The following MACROD2 variants were observed in gnomAD, a reference collection of about 807,000 sequenced individuals.
MACROD2 encodes the protein mono-ADP ribosylhydrolase 2, also known as ADP-ribose glycohydrolase MACROD2.
Under a neutral mutation model 70.4 loss-of-function variants are expected in MACROD2, and 36 were observed. That is an observed-to-expected ratio of 0.51 (90% CI 0.39 to 0.68). The LOEUF (loss-of-function observed/expected upper bound fraction) is 0.68, where lower values mean the gene tolerates loss of function less well. MACROD2 is among the 30% of genes least tolerant of loss of function. The pLI is 0.00. For synonymous variants in MACROD2, 172 were observed against 178.8 expected (o/e 0.96, Z 0.30); for missense variants, 496 against 538.4 (o/e 0.92, Z 0.78).
At chr20:15,627,983 C>T (rs2049231155) in intron 8 of MACROD2, among the ~76,000 whole-genome samples, 1 of 152,178 alleles carries the variant, frequency 6.6e-6, no homozygotes, top group South Asian at 2.1e-4. Flanking sequence ...TTTAGTACCT[C>T]TGTGAGACAT....
rs539654395 is a variant in MACROD2, at chr20:14,612,406, A to G, written c.302-72437A>G. On this transcript the variant is annotated intron_variant, in intron 4 of 17. Transcript: ENST00000684519. Reference sequence around the variant, plus strand: ...GATTGCCTTTGTCATTGCCTTTAGGACAACTGTAGACTTTGTGGATATTGG... The same window carrying G: ...GATTGCCTTTGTCATTGCCTTTAGGGCAACTGTAGACTTTGTGGATATTGG... Among the ~76,000 whole-genome samples, 255 of 152,206 alleles carry G rather than the reference A, an allele frequency of 1.7e-3. 1 individual carries two copies. The highest frequency in any genetic ancestry group is 5.7e-3 in the African/African-American group (238 of 41,548).
chr20:14,066,454 T>A (rs1209136588), intron 2 of MACROD2, among the ~76,000 whole-genome samples: 1 of 152,236 alleles, frequency 6.6e-6, no homozygotes, highest in Non-Finnish European at 1.5e-5. Context: ...TCTGTCCATT[T>A]TTGTGAAATG....
intron 13 of MACROD2, among the ~76,000 whole-genome samples, chr20:15,983,859 T>A (rs987420060): frequency 2.0e-5 from 3 of 152,234 alleles, no homozygotes; most frequent in Non-Finnish European, 2.9e-5. Context: ...CCAAAGTTTG[T>A]TTTAAGTCTT....
intron 2 of MACROD2, among the ~76,000 whole-genome samples, chr20:14,047,066 T>G (rs1434994153): frequency 6.6e-6 from 1 of 152,110 alleles, no homozygotes; most frequent in Non-Finnish European, 1.5e-5. Flanking sequence ...GATGAGTATA[T>G]AATGTGATAC....
chr20:15,926,777 C>G (rs2065496065), intron 10 of MACROD2, among the ~76,000 whole-genome samples: 1 of 152,210 alleles, frequency 6.6e-6, no homozygotes, highest in East Asian at 1.9e-4. Flanking sequence ...GCTGCAGCGA[C>G]TGAACCAGCA....
At chr20:14,661,437 G>T (rs1409772988) in intron 4 of MACROD2, among the ~76,000 whole-genome samples, 2 of 152,044 alleles carry the variant, frequency 1.3e-5, no homozygotes, top group African/African-American at 4.8e-5. Flanking sequence ...GTTCCTTATG[G>T]ATTCTGGATA....
chr20:14,466,707 T>C (rs1263615246), intron 3 of MACROD2, among the ~76,000 whole-genome samples: 2 of 151,978 alleles, frequency 1.3e-5, no homozygotes, highest in Admixed American at 1.3e-4. Flanking sequence ...TACAGATGGG[T>C]TTTTGGTGTG....
intron 6 of MACROD2, among the ~76,000 whole-genome samples, chr20:15,355,804 T>A (rs2078280420): frequency 6.6e-6 from 1 of 152,236 alleles, no homozygotes; most frequent in Admixed American, 6.5e-5. Flanking sequence ...ATACCATTTA[T>A]ATTCTCTATT....
chr20:15,684,291 A>T (rs2050198686), intron 8 of MACROD2, among the ~76,000 whole-genome samples: 1 of 152,218 alleles, frequency 6.6e-6, no homozygotes. Context: ...AGCCGGGTCT[A>T]GAGAAAATCT....
At chr20:14,345,190 A>G (rs1253866031) in intron 3 of MACROD2, among the ~76,000 whole-genome samples, 1 of 152,184 alleles carries the variant, frequency 6.6e-6, no homozygotes, top group Non-Finnish European at 1.5e-5. Context: ...TTTGTCTAGG[A>G]TTTTAAGTGC....
At chr20:16,032,877 C>CAGGAG (rs1197111739) in intron 15 of MACROD2, among the ~76,000 whole-genome samples, 3 of 151,712 alleles carry the variant, frequency 2.0e-5, no homozygotes, top group Non-Finnish European at 4.4e-5. Context: ...AGAGGAAGGA[C>CAGGAG]AGGAGAGGAG....
At chr20:14,841,239 G>T (rs939830721) in intron 5 of MACROD2, among the ~76,000 whole-genome samples, 4 of 152,048 alleles carry the variant, frequency 2.6e-5, no homozygotes, top group African/African-American at 9.7e-5. Context: ...ATGAAGAAAA[G>T]AAATTAAATA....
At chr20:14,828,649 T>C (rs1382538803) in intron 5 of MACROD2, among the ~76,000 whole-genome samples, 1 of 152,022 alleles carries the variant, frequency 6.6e-6, no homozygotes, top group Non-Finnish European at 1.5e-5. Context: ...TGAAGGAATG[T>C]TACGTCATTG....
chr20:15,175,585 G>A (rs887811044), intron 5 of MACROD2, among the ~76,000 whole-genome samples: 1 of 152,152 alleles, frequency 6.6e-6, no homozygotes, highest in Non-Finnish European at 1.5e-5. Context: ...TAGTCATATT[G>A]ACTTAGCTAT....
At chr20:14,004,767 G>T (rs1341262441) in intron 2 of MACROD2, among the ~76,000 whole-genome samples, 1 of 152,042 alleles carries the variant, frequency 6.6e-6, no homozygotes, top group Non-Finnish European at 1.5e-5. Flanking sequence ...AGTAGGTATT[G>T]ATATTTATTA....
intron 2 of MACROD2, among the ~76,000 whole-genome samples, chr20:14,006,639 A>T (rs575780948): frequency 6.6e-6 from 1 of 152,328 alleles, no homozygotes; most frequent in South Asian, 2.1e-4. Flanking sequence ...TTGAATCAAG[A>T]TCTAATCAAG....
chr20:14,976,108 T>A (rs1356467018), intron 5 of MACROD2, among the ~76,000 whole-genome samples: 1 of 152,208 alleles, frequency 6.6e-6, no homozygotes, highest in African/African-American at 2.4e-5. Flanking sequence ...GCTTCTCTGA[T>A]CCTTTCAAAG....
chr20:14,528,931 C>T (rs377520471), intron 4 of MACROD2, among the ~76,000 whole-genome samples: 5 of 152,124 alleles, frequency 3.3e-5, no homozygotes, highest in African/African-American at 1.2e-4. Flanking sequence ...AACTAGAGCA[C>T]GGATTAGGTA....
chr20:15,863,492 G>A (rs1034532476), intron 9 of MACROD2, among the ~76,000 whole-genome samples: 21 of 152,190 alleles, frequency 1.4e-4, no homozygotes, highest in African/African-American at 5.1e-4. Flanking sequence ...AGCCTATTAA[G>A]GCTGAGGCTT....
Sources: gnomAD v4.1 joint callset for allele counts (sites outside exome capture counted in the v4.1 genomes callset) on GRCh38, gnomAD v4.1.1 for gene constraint, MANE v1.5 for transcripts, NCBI Gene and HGNC (gene_info 2026-07-23, HGNC 2026-07-21) for gene names.